SMARCC1: variants seen among roughly 807,000 people sequenced by gnomAD.
SMARCC1 encodes SWI/SNF complex subunit SMARCC1.
In SMARCC1, 43 loss-of-function variants were observed where a neutral mutation model predicts 147.4. That is an observed-to-expected ratio of 0.29 (90% confidence interval 0.23 to 0.38). The LOEUF (loss-of-function observed/expected upper bound fraction) is 0.38, where lower values mean the gene tolerates loss of function less well. SMARCC1 is among the 10% of genes least tolerant of loss of function. The probability of loss-of-function intolerance (pLI) is 1.00; values close to 1 mark genes in which losing one functional copy is unlikely to be tolerated. For synonymous variants in SMARCC1, 495 were observed against 484.4 expected (o/e 1.02, Z -0.29); for missense variants, 1,119 against 1,381.1 (o/e 0.81, Z 3.01).
rs2032551187 is a variant in SMARCC1 at position 47,610,605 on chromosome 3, A to T, written c.2782-278T>A. The stretch of plus-strand genomic sequence containing the variant: ...AGTAGGGCTACTGCTCTTTGGGCTC[A>T]CTTGGACACATGTAATCCCCTCTAT... On this transcript the variant is annotated intron_variant, in intron 25 of 27. Transcript: ENST00000254480. The T allele has an allele frequency of 6.4e-6, 3 of 465,208 alleles. No individual in the cohort carries two copies. In the South Asian group the frequency reaches 6.6e-5, roughly 10 times the overall value. 28.8% of individuals were successfully genotyped at this position (465,208 alleles called of 1,614,324 possible). A position where few individuals can be genotyped will look rare whatever the true frequency, so the allele number is the denominator to read the frequency against.
intron 2 of SMARCC1, among the ~76,000 whole-genome samples, chr3:47,771,051 C>T (rs764438494): frequency 6.6e-5 from 10 of 152,160 alleles, no homozygotes; most frequent in Admixed American, 1.3e-4. Context: ...GCTGGGACCA[C>T]AGGCACCCGC....
intron 26 of SMARCC1, chr3:47,604,439 A>G (rs1020207219): frequency 5.2e-6 from 2 of 383,020 alleles, no homozygotes; most frequent in Admixed American, 3.3e-5. Context: ...TCAGCTCCCA[A>G]TGTAAGCTGT....
chr3:47,638,909 T>C, intron 21 of SMARCC1, 129 bp from the exon 22 acceptor site: 2 of 694,798 alleles, frequency 2.9e-6, no homozygotes, highest in Admixed American at 2.5e-5. Flanking sequence ...AGCCATACAG[T>C]TGAAAAAAGA....
intron 1 of SMARCC1, among the ~76,000 whole-genome samples, chr3:47,780,176 T>TTTG (rs2035028011): frequency 7.2e-6 from 1 of 138,246 alleles, no homozygotes; most frequent in Non-Finnish European, 1.6e-5. Flanking sequence ...TTGTTTTTTT[T>TTTG]TTTTTTTTTT....
At chr3:47,728,928 A>G (rs1301660585) in intron 6 of SMARCC1, 97 bp downstream of exon 6, 2 of 720,210 alleles carry the variant, frequency 2.8e-6, no homozygotes, top group Non-Finnish European at 4.4e-6. Flanking sequence ...AAACAAATAA[A>G]AAGCTGGTTA....
intron 12 of SMARCC1, among the ~76,000 whole-genome samples, chr3:47,692,764 T>C (rs2033805147): frequency 6.6e-6 from 1 of 152,160 alleles, no homozygotes; most frequent in African/African-American, 2.4e-5. Flanking sequence ...GGCTCACGCC[T>C]GTAATCCCAG....
intron 25 of SMARCC1, among the ~76,000 whole-genome samples, chr3:47,620,499 T>TC (rs1313520718): frequency 6.6e-6 from 1 of 152,134 alleles, no homozygotes; most frequent in African/African-American, 2.4e-5. Flanking sequence ...TTGTTTTTTT[T>TC]CCACTAAGAG....
chr3:47,658,443 G>T (rs879317951), intron 21 of SMARCC1, among the ~76,000 whole-genome samples: 3 of 152,102 alleles, frequency 2.0e-5, no homozygotes, highest in Non-Finnish European at 2.9e-5. Flanking sequence ...CCTCCATTCC[G>T]CTTATGCAGA....
At chr3:47,680,379 TG>T in intron 15 of SMARCC1, 57 bp downstream of exon 15, 1 of 1,164,100 alleles carries the variant, frequency 8.6e-7, no homozygotes, top group Admixed American at 1.8e-5. Context: ...GGTGGATGCT[TG>T]AAGAGCCCCT....
At chr3:47,750,235 G>T (rs2034614563) in intron 2 of SMARCC1, among the ~76,000 whole-genome samples, 1 of 152,110 alleles carries the variant, frequency 6.6e-6, no homozygotes, top group Non-Finnish European at 1.5e-5. Flanking sequence ...AGAGATCCAA[G>T]ACCATCCTGG....
intron 6 of SMARCC1, among the ~76,000 whole-genome samples, chr3:47,724,540 T>G (rs1413532582): frequency 6.6e-6 from 1 of 152,166 alleles, no homozygotes; most frequent in East Asian, 1.9e-4. Context: ...CCAACACAAA[T>G]TCATAAGTTT....
chr3:47,651,272 C>G (rs957195736), intron 21 of SMARCC1, among the ~76,000 whole-genome samples: 6 of 152,178 alleles, frequency 3.9e-5, no homozygotes. Flanking sequence ...CCACTGCACT[C>G]CAGTCTAGGC....
intron 25 of SMARCC1, among the ~76,000 whole-genome samples, chr3:47,617,601 G>A (rs2032664549): frequency 6.6e-6 from 1 of 152,222 alleles, no homozygotes. Context: ...CAAGAATTCT[G>A]TGTGGAAATC....
Position 47,590,856 on chromosome 3 carries a change from A to C in SMARCC1, c.3044-19T>G. ...ATCTGACCTGTGGAGGGAGATTTAAAGTACTGTAAGTATACTAGAAAGGGG... is the reference window on the plus strand; with the variant it reads ...ATCTGACCTGTGGAGGGAGATTTAACGTACTGTAAGTATACTAGAAAGGGG... On this transcript the variant is annotated intron_variant, in intron 26 of 27. Transcript: ENST00000254480. The C allele has an allele frequency of 6.3e-7, 1 of 1,592,850 alleles. No homozygotes were observed. Among genetic ancestry groups the C allele is most frequent in the Admixed American group, 1.8e-5 (1 of 55,242 alleles).
chr3:47,594,179 G>T (rs368184123), intron 26 of SMARCC1, among the ~76,000 whole-genome samples: 1 of 151,252 alleles, frequency 6.6e-6, no homozygotes, highest in Non-Finnish European at 1.5e-5. Flanking sequence ...AAAAAAATAG[G>T]AATTAGGGTA....
chr3:47,682,784 T>C (rs1253202077), intron 14 of SMARCC1, among the ~76,000 whole-genome samples: 1 of 152,232 alleles, frequency 6.6e-6, no homozygotes, highest in East Asian at 1.9e-4. Context: ...TAAAAATTGG[T>C]GTCAGCTGAC....
chr3:47,648,835 T>A (rs1478075356), intron 21 of SMARCC1, among the ~76,000 whole-genome samples: 1 of 152,152 alleles, frequency 6.6e-6, no homozygotes, highest in Non-Finnish European at 1.5e-5. Context: ...CTTCAATTAG[T>A]AGAGTATTAA....
chr3:47,781,470 G>A lies in SMARCC1; in HGVS notation c.195+133C>T, dbSNP rs1206077587. ...GCCCAGAGCGGGCGGCGGGGGCGTG[G>A]CGGGCCCGGCGCCTGCCTTTGTTGT... On this transcript the variant is annotated intron_variant, in intron 1 of 27. Coordinates refer to ENST00000254480, the MANE Select transcript of SMARCC1 (RefSeq NM_003074.4). 1.9e-5 allele frequency: 10 copies of A among 520,830 alleles called. No homozygotes were observed. In the Admixed American group the frequency reaches 4.2e-4, roughly 22 times the overall value. 32.3% of individuals were successfully genotyped at this position (520,830 alleles called of 1,614,324 possible).
chr3:47,627,811 C>A (rs1366707613), intron 24 of SMARCC1, among the ~76,000 whole-genome samples: 1 of 152,116 alleles, frequency 6.6e-6, no homozygotes, highest in Non-Finnish European at 1.5e-5. Context: ...ACCTCAAACT[C>A]CTCAGCTCAA....
Sources: allele counts gnomAD v4.1 joint callset (sites outside exome capture counted in the v4.1 genomes callset), GRCh38; gene constraint gnomAD v4.1.1; transcripts MANE v1.5; gene names NCBI Gene and HGNC (gene_info 2026-07-23, HGNC 2026-07-21).